ALK: variants seen among roughly 807,000 people sequenced by gnomAD.
ALK encodes ALK tyrosine kinase receptor.
A neutral mutation model predicts 163.1 loss-of-function variants in ALK; 74 were observed. That is an observed-to-expected ratio of 0.45 (90% CI 0.38 to 0.55). ALK has a LOEUF of 0.55. Among genes scored for constraint, ALK ranks in the 20% least tolerant of loss-of-function variants. The pLI is 0.00. For missense variants in ALK, 2,063 were observed against 2,105.3 expected, an observed-to-expected ratio of 0.98 and a Z score of 0.39; for synonymous variants, 960 against 843.2, an observed-to-expected ratio of 1.14 and a Z score of -2.40.
chr2:29,828,763 C>A (rs1039293672), intron 1 of ALK, among the ~76,000 whole-genome samples: 1 of 151,778 alleles, frequency 6.6e-6, no homozygotes, highest in Non-Finnish European at 1.5e-5. Flanking sequence ...GTGGCGATTC[C>A]TCAGGGATCT....
chr2:29,901,865 T>G (rs1667421694), intron 1 of ALK, among the ~76,000 whole-genome samples: 1 of 152,086 alleles, frequency 6.6e-6, no homozygotes, highest in Non-Finnish European at 1.5e-5. Context: ...ATTGTGTTCC[T>G]CAGTTTACAA....
intron 3 of ALK, among the ~76,000 whole-genome samples, chr2:29,558,302 C>T (rs1673920267): frequency 6.6e-6 from 1 of 152,196 alleles, no homozygotes; most frequent in South Asian, 2.1e-4. Flanking sequence ...TGATATATTC[C>T]TGCTTATCTC....
At chr2:29,207,428 C>G (rs1669341631) in intron 25 of ALK, among the ~76,000 whole-genome samples, 156 bp from the exon 26 acceptor site, 2 of 152,154 alleles carry the variant, frequency 1.3e-5, no homozygotes, top group African/African-American at 4.8e-5. Context: ...AGAGCAGGGG[C>G]ACACAGATCA....
At chr2:29,783,345 G>A (rs1663897109) in intron 1 of ALK, among the ~76,000 whole-genome samples, 1 of 152,188 alleles carries the variant, frequency 6.6e-6, no homozygotes, top group South Asian at 2.1e-4. Context: ...TCAATTATGT[G>A]TCAAGTCACA....
chr2:29,201,702 G>GT (rs1409103004), intron 26 of ALK, among the ~76,000 whole-genome samples: 1 of 151,282 alleles, frequency 6.6e-6, no homozygotes, highest in African/African-American at 2.4e-5. Flanking sequence ...TGAGAGGATT[G>GT]TTTCAACCTA....
At chr2:29,568,455 T>C (rs904303551) in intron 3 of ALK, among the ~76,000 whole-genome samples, 3 of 152,192 alleles carry the variant, frequency 2.0e-5, no homozygotes, top group African/African-American at 7.2e-5. Flanking sequence ...GAAAACCTAA[T>C]TGAGAGCCGG....
At chr2:29,230,197 C>T (rs1233483890) in intron 15 of ALK, among the ~76,000 whole-genome samples, 1 of 151,984 alleles carries the variant, frequency 6.6e-6, no homozygotes, top group Non-Finnish European at 1.5e-5. Context: ...CTCTAGATTA[C>T]ATATAATACC....
intron 4 of ALK, among the ~76,000 whole-genome samples, chr2:29,417,008 G>A (rs61197426): frequency 1.4e-4 from 11 of 80,900 alleles, no homozygotes; most frequent in East Asian, 9.3e-4. Flanking sequence ...TTTTTTTTGA[G>A]ATGGAGTCTT....
chr2:29,469,364 C>T (rs1399651551), intron 4 of ALK, among the ~76,000 whole-genome samples: 1 of 152,160 alleles, frequency 6.6e-6, no homozygotes, highest in Non-Finnish European at 1.5e-5. Flanking sequence ...CCAGTGACAT[C>T]AACAGTAATA....
intron 3 of ALK, among the ~76,000 whole-genome samples, chr2:29,579,418 T>A (rs1674615542): frequency 1.3e-5 from 2 of 152,202 alleles, no homozygotes; most frequent in African/African-American, 2.4e-5. Flanking sequence ...AAGATCCCCA[T>A]GGCTTATTTA....
intron 3 of ALK, among the ~76,000 whole-genome samples, chr2:29,587,782 A>G (rs1558397324): frequency 6.6e-6 from 1 of 152,206 alleles, no homozygotes; most frequent in Admixed American, 6.5e-5. Flanking sequence ...ATATTTTATG[A>G]GCTAAAAATA....
Position 29,712,450 on chromosome 2 carries a change from C to G in ALK, c.787+5128G>C, listed in dbSNP as rs141614150. ...CAGTCCACAAGGGAGCTGCTTTTCA[C>G]TGACACCAGTGCTCCTGAGGACCAG... On this transcript the variant is annotated intron_variant, in intron 2 of 28. Transcript: ENST00000389048. 3.8e-3 allele frequency among the ~76,000 whole-genome samples: 576 copies of G among 152,326 alleles called. 6 individuals are homozygous for G. Among genetic ancestry groups the G allele is most frequent in the African/African-American group, 0.013 (529 of 41,572 alleles).
chr2:29,310,810 G>A (rs928493001), intron 8 of ALK, among the ~76,000 whole-genome samples: 2 of 152,174 alleles, frequency 1.3e-5, no homozygotes, highest in East Asian at 3.9e-4. Flanking sequence ...ATCAGAACAG[G>A]GAAGATTTTA....
At chr2:29,899,222 T>C (rs1264830679) in intron 1 of ALK, among the ~76,000 whole-genome samples, 1 of 152,222 alleles carries the variant, frequency 6.6e-6, no homozygotes, top group Non-Finnish European at 1.5e-5. Flanking sequence ...AATTGTGTTC[T>C]TTTCTCTAGT....
chr2:29,380,496 G>A (rs1308993899), intron 5 of ALK, among the ~76,000 whole-genome samples: 5 of 152,046 alleles, frequency 3.3e-5, no homozygotes, highest in Admixed American at 6.6e-5. Context: ...TTGGCTCACC[G>A]CAACCTCCGC....
At position 29,282,705 on chromosome 2, in the gene ALK, C is replaced by G. The variant is rs544821287; in HGVS notation, c.1818-7209G>C. 5.3e-5 allele frequency among the ~76,000 whole-genome samples: 8 copies of G among 152,340 alleles called. No homozygotes were observed. In the East Asian group the frequency reaches 7.7e-4, roughly 15 times the overall value. On this transcript the variant is annotated intron_variant, in intron 9 of 28. Transcript: ENST00000389048. ...GCCATAGAGATCTTTCACAATGAGT[C>G]TGGCTTGGTGAGGAAGCCCTTCTAG...
intron 1 of ALK, among the ~76,000 whole-genome samples, chr2:29,872,263 A>T (rs1348492188): frequency 6.6e-6 from 1 of 152,208 alleles, no homozygotes. Flanking sequence ...GAGGGGATGC[A>T]GCTGAACTGC....
At chr2:29,720,509 G>A (rs778975794) in intron 1 of ALK, among the ~76,000 whole-genome samples, 105 of 152,290 alleles carry the variant, frequency 6.9e-4, no homozygotes, top group Non-Finnish European at 1.1e-3. Flanking sequence ...GCCGGATGAG[G>A]CTAGGGAGCT....
rs199941709 is a variant in ALK at position 29,302,335 on chromosome 2, T to C, written c.1648-5278A>G. 1.6e-4 allele frequency among the ~76,000 whole-genome samples: 25 copies of C among 152,250 alleles called. No homozygotes were observed. The East Asian group carries it at 4.3e-3, about 26-fold the overall frequency. On this transcript the variant is annotated intron_variant, in intron 8 of 28. Coordinates refer to ENST00000389048, the MANE Select transcript of ALK (RefSeq NM_004304.5). Reference sequence around the variant, plus strand: ...GAGTTCGAGATCAGCCTGGCCAATATGGTGAAACCCTGCCTCTACTGAAAA... The same window carrying C: ...GAGTTCGAGATCAGCCTGGCCAATACGGTGAAACCCTGCCTCTACTGAAAA...
Sources: gnomAD v4.1 joint callset for allele counts (sites outside exome capture counted in the v4.1 genomes callset) on GRCh38, gnomAD v4.1.1 for gene constraint, MANE v1.5 for transcripts, NCBI Gene and HGNC (gene_info 2026-07-23, HGNC 2026-07-21) for gene names.